Variants in NKAIN2 observed in about 807,000 individuals in gnomAD.
The protein encoded by NKAIN2 is sodium/potassium transporting ATPase interacting 2.
NKAIN2 carries 14 observed loss-of-function variants against 32.6 expected under a neutral mutation model. The ratio of observed to expected loss-of-function variants is 0.43; its 90% CI spans 0.28 to 0.67. The LOEUF (loss-of-function observed/expected upper bound fraction) is 0.67, where lower values mean the gene tolerates loss of function less well. NKAIN2 is among the 30% of genes least tolerant of loss of function. The pLI, the probability that NKAIN2 is intolerant of heterozygous loss-of-function variation, is 0.17. For missense variants in NKAIN2, 198 were observed against 258.3 expected (o/e 0.77, Z 1.60); for synonymous variants, 80 against 87.2 (o/e 0.92, Z 0.46).
At chr6:124,716,053 A>G (rs575917705) in intron 4 of NKAIN2, among the ~76,000 whole-genome samples, 1 of 152,358 alleles carries the variant, frequency 6.6e-6, no homozygotes, top group African/African-American at 2.4e-5. Context: ...CTCTGAACCC[A>G]GAGATTTAAA....
chr6:124,489,067 G>T (rs1401052083), intron 3 of NKAIN2, among the ~76,000 whole-genome samples: 1 of 151,890 alleles, frequency 6.6e-6, no homozygotes, highest in East Asian at 1.9e-4. Flanking sequence ...TGTATTCCAA[G>T]AAAGTACTAA....
At chr6:124,461,326 CAGAA>C (rs990458536) in intron 3 of NKAIN2, among the ~76,000 whole-genome samples, 2 of 151,452 alleles carry the variant, frequency 1.3e-5, no homozygotes, top group East Asian at 1.9e-4. Flanking sequence ...TGCGTGTGCA[CAGAA>C]AGACTGATTT....
intron 1 of NKAIN2, among the ~76,000 whole-genome samples, chr6:123,993,933 A>G (rs1354120263): frequency 6.6e-6 from 1 of 152,208 alleles, no homozygotes; most frequent in African/African-American, 2.4e-5. Flanking sequence ...AATAAAAACC[A>G]TAATTTGGGC....
At chr6:124,413,992 T>C (rs1291283540) in intron 3 of NKAIN2, among the ~76,000 whole-genome samples, 1 of 151,504 alleles carries the variant, frequency 6.6e-6, no homozygotes, top group Non-Finnish European at 1.5e-5. Flanking sequence ...TTTACTTTTT[T>C]CTGTTGAACC....
chr6:124,443,802 C>T (rs975071955), intron 3 of NKAIN2, among the ~76,000 whole-genome samples: 1 of 152,078 alleles, frequency 6.6e-6, no homozygotes, highest in African/African-American at 2.4e-5. Context: ...ATGATCATAG[C>T]TGTGAGCACT....
chr6:124,002,315 T>C (rs1259596380), intron 1 of NKAIN2, among the ~76,000 whole-genome samples: 1 of 152,130 alleles, frequency 6.6e-6, no homozygotes, highest in Non-Finnish European at 1.5e-5. Flanking sequence ...TAAGGTAGCA[T>C]ATGTTAAGAG....
At chr6:124,510,040 C>T (rs1778650421) in intron 3 of NKAIN2, among the ~76,000 whole-genome samples, 1 of 151,976 alleles carries the variant, frequency 6.6e-6, no homozygotes. Context: ...AACACATGAA[C>T]AATTCATTTA....
At chr6:124,481,754 A>C (rs1777461371) in intron 3 of NKAIN2, among the ~76,000 whole-genome samples, 1 of 152,182 alleles carries the variant, frequency 6.6e-6, no homozygotes, top group Non-Finnish European at 1.5e-5. Flanking sequence ...ATATTCATTA[A>C]GAGAGAAACT....
At chr6:124,612,102 C>T (rs1359464163) in intron 3 of NKAIN2, among the ~76,000 whole-genome samples, 1 of 151,808 alleles carries the variant, frequency 6.6e-6, no homozygotes, top group Non-Finnish European at 1.5e-5. Flanking sequence ...TATCCAACCC[C>T]TCCCCAGACT....
At chr6:124,253,056 G>T (rs993302793) in intron 1 of NKAIN2, among the ~76,000 whole-genome samples, 1 of 152,078 alleles carries the variant, frequency 6.6e-6, no homozygotes, top group Non-Finnish European at 1.5e-5. Context: ...ACCTGGATTG[G>T]TTTCACACTG....
chr6:124,245,207 G>C (rs1793332098), intron 1 of NKAIN2, among the ~76,000 whole-genome samples: 1 of 152,016 alleles, frequency 6.6e-6, no homozygotes, highest in Non-Finnish European at 1.5e-5. Context: ...ATAGTATTTT[G>C]AGAGACATTT....
chr6:124,367,621 C>T (rs1186224111), intron 3 of NKAIN2, among the ~76,000 whole-genome samples: 1 of 152,116 alleles, frequency 6.6e-6, no homozygotes, highest in Non-Finnish European at 1.5e-5. Context: ...TCATCCCTAA[C>T]TGCTATGTGA....
chr6:123,811,186 C>G (rs1169775282), intron 1 of NKAIN2, among the ~76,000 whole-genome samples: 1 of 152,088 alleles, frequency 6.6e-6, no homozygotes, highest in Non-Finnish European at 1.5e-5. Context: ...TGAGAGAAAA[C>G]TTTTCTTCAG....
intron 1 of NKAIN2, among the ~76,000 whole-genome samples, chr6:124,060,170 G>A (rs1229296028): frequency 6.6e-6 from 1 of 152,164 alleles, no homozygotes; most frequent in African/African-American, 2.4e-5. Context: ...AATGGACCAA[G>A]CATCAGAAGA....
At chr6:124,544,178 A>G (rs574162151) in intron 3 of NKAIN2, among the ~76,000 whole-genome samples, 2 of 152,260 alleles carry the variant, frequency 1.3e-5, no homozygotes, top group East Asian at 3.9e-4. Context: ...CCCAGCAGGG[A>G]CTGGGATCCC....
At position 123,971,120 on chromosome 6, in the gene NKAIN2, TG is replaced by T. The variant is rs1778321645; in HGVS notation, c.54+166870del. On this transcript the variant is annotated intron_variant, in intron 1 of 6. Coordinates refer to ENST00000368417, the MANE Select transcript of NKAIN2 (RefSeq NM_001040214.3). Reference sequence around the variant, plus strand: ...GTGCTAATGAAAATGATAGTCTGACTGGGGCCAGAGATAGTAAGTACATACT... The same window carrying T: ...GTGCTAATGAAAATGATAGTCTGACTGGGCCAGAGATAGTAAGTACATACT... 2.0e-5 allele frequency among the ~76,000 whole-genome samples: 3 copies of T among 152,036 alleles called. No homozygotes were observed. In the South Asian group the frequency reaches 6.2e-4, roughly 32 times the overall value.
intron 3 of NKAIN2, among the ~76,000 whole-genome samples, chr6:124,609,750 T>C (rs1177204740): frequency 6.6e-6 from 1 of 152,104 alleles, no homozygotes; most frequent in East Asian, 1.9e-4. Context: ...AATTCTGTTC[T>C]TTTTCTTTCA....
At chr6:124,736,520 T>C (rs1191681473) in intron 4 of NKAIN2, among the ~76,000 whole-genome samples, 1 of 151,894 alleles carries the variant, frequency 6.6e-6, no homozygotes, top group East Asian at 1.9e-4. Context: ...CTTCAAAACT[T>C]CAAATGATAG....
chr6:124,565,710 C>T (rs1242084580), intron 3 of NKAIN2, among the ~76,000 whole-genome samples: 1 of 152,030 alleles, frequency 6.6e-6, no homozygotes, highest in East Asian at 1.9e-4. Context: ...ATTTAAGTAA[C>T]CAATAAAGAA....
Sources: allele counts gnomAD v4.1 joint callset (sites outside exome capture counted in the v4.1 genomes callset), GRCh38; gene constraint gnomAD v4.1.1; transcripts MANE v1.5; gene names NCBI Gene and HGNC (gene_info 2026-07-23, HGNC 2026-07-21).